HMGB1: variants seen among roughly 807,000 people sequenced by gnomAD.
HMGB1 encodes high mobility group protein B1.
For missense variants in HMGB1, 79 were observed against 253.5 expected (o/e 0.31, Z 4.67); for synonymous variants, 81 against 84.0 (o/e 0.96, Z 0.19).
upstream of HMGB1, among the ~76,000 whole-genome samples, chr13:30,467,843 C>T (rs908133775): frequency 9.2e-5 from 14 of 152,182 alleles, no homozygotes; most frequent in Non-Finnish European, 1.8e-4. Context: ...ACTGGCACGG[C>T]CATACACTTT....
intron 1 of HMGB1, among the ~76,000 whole-genome samples, chr13:30,567,388 G>T (rs2137530846): frequency 2.1e-5 from 3 of 145,758 alleles, no homozygotes; most frequent in Middle Eastern, 7.8e-3. Flanking sequence ...TCTGTCACCA[G>T]GCTGGAGTGC....
intron 1 of HMGB1, among the ~76,000 whole-genome samples, chr13:30,584,686 A>G (rs1250018108): frequency 6.6e-6 from 1 of 152,238 alleles, no homozygotes; most frequent in Non-Finnish European, 1.5e-5. Flanking sequence ...TGATTTTTGC[A>G]GTATTTTCTA....
At chr13:30,609,345 G>T (rs1325521099) in intron 1 of HMGB1, among the ~76,000 whole-genome samples, 2 of 152,162 alleles carry the variant, frequency 1.3e-5, no homozygotes, top group African/African-American at 4.8e-5. Flanking sequence ...AAAAAATATA[G>T]ATGCCCAGGC....
rs1053816038 is a variant in HMGB1, at chr13:30,461,727, C to T, written c.472-194G>A. 4 of 1,406,462 alleles carry T rather than the reference C, an allele frequency of 2.8e-6. No homozygotes were observed. In the African/African-American group the frequency reaches 5.7e-5, roughly 20 times the overall value. 87.1% of individuals were successfully genotyped at this position (1,406,462 alleles called of 1,614,324 possible). A position where few individuals can be genotyped will look rare whatever the true frequency, so the allele number is the denominator to read the frequency against. Reference sequence around the variant, plus strand: ...ACATAAAAATACAAGATCATTATAACAATCTATAACTCATGAAATGGCATA... The same window carrying T: ...ACATAAAAATACAAGATCATTATAATAATCTATAACTCATGAAATGGCATA... On this transcript the variant is annotated intron_variant, in intron 4 of 4. Coordinates refer to ENST00000341423, the MANE Select transcript of HMGB1 (RefSeq NM_002128.7).
Position 30,512,930 on chromosome 13 carries a change from A to G in HMGB1, c.-14-49236T>C, listed in dbSNP as rs542261994. 1.9e-3 allele frequency among the ~76,000 whole-genome samples: 285 copies of G among 152,318 alleles called. 2 individuals are homozygous for G. The highest frequency in any genetic ancestry group is 3.4e-3 in the Non-Finnish European group (229 of 68,020). Reference sequence around the variant, plus strand: ...GTAATCCCAGCACTTTGGGAGGCCAAGGTAGGCGAATCATTTGAGGTCAGG... The same window carrying G: ...GTAATCCCAGCACTTTGGGAGGCCAGGGTAGGCGAATCATTTGAGGTCAGG... On this transcript the variant is annotated intron_variant, in intron 1 of 4. Transcript: ENST00000405805.
chr13:30,536,792 T>C (rs1031210438), intron 1 of HMGB1, among the ~76,000 whole-genome samples: 1 of 152,220 alleles, frequency 6.6e-6, no homozygotes, highest in African/African-American at 2.4e-5. Flanking sequence ...TTTGCTTAGC[T>C]TTCTAGGTTC....
At chr13:30,478,984 T>C (rs1201974037) in intron 1 of HMGB1, among the ~76,000 whole-genome samples, 1 of 151,706 alleles carries the variant, frequency 6.6e-6, no homozygotes, top group African/African-American at 2.4e-5. Flanking sequence ...TTCTCGTGCC[T>C]CAGCCTCCCA....
At chr13:30,478,863 TTTC>T (rs1887161486) in intron 1 of HMGB1, among the ~76,000 whole-genome samples, 1 of 136,690 alleles carries the variant, frequency 7.3e-6, no homozygotes, top group African/African-American at 2.5e-5. Flanking sequence ...TTTCTTTTCT[TTTC>T]TTTTCTTTTT....
At chr13:30,557,783 C>T (rs1280227990) in intron 1 of HMGB1, among the ~76,000 whole-genome samples, 1 of 152,158 alleles carries the variant, frequency 6.6e-6, no homozygotes, top group Non-Finnish European at 1.5e-5. Flanking sequence ...CTGAATAGCT[C>T]TAGTTCTCAC....
chr13:30,522,510 C>T (rs1028700590), intron 1 of HMGB1, among the ~76,000 whole-genome samples: 15 of 151,918 alleles, frequency 9.9e-5, no homozygotes, highest in African/African-American at 3.1e-4. Flanking sequence ...AGAGTGATGA[C>T]GAATTAGAGG....
Position 30,463,698 on chromosome 13 carries a change from AAAAAT to A in HMGB1, c.-14-9_-14-5del, listed in dbSNP as rs1243627939. On this transcript the variant is annotated splice_polypyrimidine_tract_variant and splice_region_variant and intron_variant, in intron 1 of 4. Transcript: ENST00000341423. Reference sequence around the variant, plus strand: ...TTGCCCATGTTTAGTTATTTTTCTAAAAAATAAAATAAATATTTGATGTTAGCAAT... The same window carrying A: ...TTGCCCATGTTTAGTTATTTTTCTAAAAAATAAATATTTGATGTTAGCAAT... 2.0e-6 allele frequency: 3 copies of A among 1,521,584 alleles called. No homozygotes were observed. The highest frequency in any genetic ancestry group is 1.2e-5 in the South Asian group (1 of 83,272). 94.3% of individuals were successfully genotyped at this position (1,521,584 alleles called of 1,614,324 possible).
chr13:30,538,494 C>CTT lies in HMGB1; in HGVS notation c.-14-74802_-14-74801dup, dbSNP rs1555238746. On this transcript the variant is annotated intron_variant, in intron 1 of 4. Transcript: ENST00000405805. ...TCTTTCTTTCTTTCTTTCTTTCTTT[C>CTT]TTTCTTTCTTTCTTTCCTTTCTTTC... Among the ~76,000 whole-genome samples, 20 of 66,782 alleles carry CTT rather than the reference C, an allele frequency of 3.0e-4. 1 individual carries two copies. Among genetic ancestry groups the CTT allele is most frequent in the African/African-American group, 1.0e-3 (19 of 18,586 alleles). The allele number at this position is 66,782 out of a possible 152,430, so 43.8% of individuals were successfully genotyped here. A position where few individuals can be genotyped will look rare whatever the true frequency, so the allele number is the denominator to read the frequency against.
At chr13:30,488,868 C>T (rs1236128583) in intron 1 of HMGB1, among the ~76,000 whole-genome samples, 1 of 151,812 alleles carries the variant, frequency 6.6e-6, no homozygotes. Context: ...GTCCTCCACA[C>T]ACCTAACATA....
chr13:30,612,123 T>C (rs184210658), intron 1 of HMGB1, among the ~76,000 whole-genome samples: 6 of 151,694 alleles, frequency 4.0e-5, no homozygotes, highest in African/African-American at 1.4e-4. Flanking sequence ...CACAACCTAC[T>C]ATGGGGCCAA....
At chr13:30,503,759 A>G (rs531203730) in intron 1 of HMGB1, among the ~76,000 whole-genome samples, 1 of 151,552 alleles carries the variant, frequency 6.6e-6, no homozygotes, top group South Asian at 2.1e-4. Flanking sequence ...AAACAATAAT[A>G]AAGGTATTGC....
chr13:30,507,816 A>G (rs557381860), intron 1 of HMGB1, among the ~76,000 whole-genome samples: 1 of 152,250 alleles, frequency 6.6e-6, no homozygotes, highest in Non-Finnish European at 1.5e-5. Flanking sequence ...AAACATAGTG[A>G]GACTCCATCT....
intron 1 of HMGB1, among the ~76,000 whole-genome samples, chr13:30,579,075 T>C (rs1265953549): frequency 6.6e-6 from 1 of 152,210 alleles, no homozygotes; most frequent in Non-Finnish European, 1.5e-5. Context: ...GACGGAATCA[T>C]TCTCATCTTT....
intron 1 of HMGB1, among the ~76,000 whole-genome samples, chr13:30,481,112 C>T (rs991902064): frequency 1.3e-5 from 2 of 151,752 alleles, no homozygotes; most frequent in Non-Finnish European, 2.9e-5. Context: ...ATGTCCTGAC[C>T]TAAGTATTAT....
At chr13:30,545,375 T>G (rs897336785) in intron 1 of HMGB1, among the ~76,000 whole-genome samples, 5 of 150,208 alleles carry the variant, frequency 3.3e-5, no homozygotes, top group Middle Eastern at 3.5e-3. Flanking sequence ...ATATTATTAT[T>G]ATTAATATAT....
Sources: gnomAD v4.1 joint callset for allele counts (sites outside exome capture counted in the v4.1 genomes callset) on GRCh38, gnomAD v4.1.1 for gene constraint, MANE v1.5 for transcripts, NCBI Gene and HGNC (gene_info 2026-07-23, HGNC 2026-07-21) for gene names.